KCTD8: variants seen among roughly 807,000 people sequenced by gnomAD.
KCTD8 encodes potassium channel tetramerization domain containing 8, also known as BTB/POZ domain-containing protein KCTD8.
In KCTD8, 27 loss-of-function variants were observed where a neutral mutation model predicts 31.5. The observed-to-expected ratio is 0.86, with a 90% CI of 0.63 to 1.18. KCTD8 has a LOEUF of 1.18. Among genes scored for constraint, KCTD8 ranks in the 50% most tolerant of loss-of-function variants. The probability of loss-of-function intolerance (pLI) is 0.00; values close to 1 mark genes in which losing one functional copy is unlikely to be tolerated. For missense variants in KCTD8, 658 were observed against 647.7 expected, an observed-to-expected ratio of 1.02 and a Z score of -0.17; for synonymous variants, 290 against 280.0, an observed-to-expected ratio of 1.04 and a Z score of -0.36.
rs191485062 is a variant in KCTD8, at chr4:44,402,114, A to C, written c.961+45449T>G. On this transcript the variant is annotated intron_variant, in intron 1 of 1. Transcript: ENST00000360029. ...AAAGGTAAAGTGGACGTGGCATTTG[A>C]ATGATTATAGAGCAAAAAGATAGAG... Among the ~76,000 whole-genome samples, 310 of 152,298 alleles carry C rather than the reference A, an allele frequency of 2.0e-3. 1 individual carries two copies. Among genetic ancestry groups the C allele is most frequent in the African/African-American group, 7.1e-3 (297 of 41,574 alleles).
intron 1 of KCTD8, among the ~76,000 whole-genome samples, chr4:44,422,254 T>C (rs932997291): frequency 6.6e-6 from 1 of 152,140 alleles, no homozygotes. Flanking sequence ...AAAGTTCTTA[T>C]AATTTAAGAA....
chr4:44,254,525 C>G (rs1231922684), intron 1 of KCTD8, among the ~76,000 whole-genome samples: 1 of 151,248 alleles, frequency 6.6e-6, no homozygotes, highest in African/African-American at 2.4e-5. Context: ...TATTATCCCA[C>G]CACCCCCACC....
At chr4:44,329,518 A>T (rs1424222943) in intron 1 of KCTD8, among the ~76,000 whole-genome samples, 1 of 152,002 alleles carries the variant, frequency 6.6e-6, no homozygotes, top group East Asian at 1.9e-4. Context: ...ATTGTAAAAA[A>T]TAAAGTTTTG....
intron 1 of KCTD8, among the ~76,000 whole-genome samples, chr4:44,419,069 TAGC>T (rs1269333731): frequency 6.6e-6 from 1 of 152,162 alleles, no homozygotes; most frequent in African/African-American, 2.4e-5. Flanking sequence ...AAAATGGTGG[TAGC>T]AGTGAAAACA....
chr4:44,332,032 C>T (rs1718602794), intron 1 of KCTD8, among the ~76,000 whole-genome samples: 1 of 151,722 alleles, frequency 6.6e-6, no homozygotes, highest in Admixed American at 6.6e-5. Flanking sequence ...AGTAGATACT[C>T]TCAACTGAAA....
chr4:44,250,131 G>T (rs1010188355), intron 1 of KCTD8, among the ~76,000 whole-genome samples: 1 of 151,808 alleles, frequency 6.6e-6, no homozygotes, highest in African/African-American at 2.4e-5. Context: ...ACATGTGTAA[G>T]ATTATACATG....
intron 1 of KCTD8, among the ~76,000 whole-genome samples, chr4:44,249,219 T>C (rs959269588): frequency 2.0e-5 from 3 of 151,750 alleles, no homozygotes; most frequent in African/African-American, 4.8e-5. Context: ...AACAAAGAAA[T>C]ATAGGTTAAT....
At chr4:44,398,060 A>C (rs534671497) in intron 1 of KCTD8, among the ~76,000 whole-genome samples, 6 of 152,184 alleles carry the variant, frequency 3.9e-5, no homozygotes, top group Non-Finnish European at 8.8e-5. Context: ...ATTGAAATAC[A>C]TATCCTTAGG....
intron 1 of KCTD8, among the ~76,000 whole-genome samples, chr4:44,223,642 A>T (rs1714869502): frequency 6.6e-6 from 1 of 152,204 alleles, no homozygotes; most frequent in Non-Finnish European, 1.5e-5. Flanking sequence ...AGTAAAAGGT[A>T]TGTCAATTAT....
chr4:44,265,707 T>G (rs956841680), intron 1 of KCTD8, among the ~76,000 whole-genome samples: 1 of 152,140 alleles, frequency 6.6e-6, no homozygotes, highest in African/African-American at 2.4e-5. Context: ...AAGGAGCTGA[T>G]GGAGCTGAAA....
chr4:44,419,608 A>G (rs925079268), intron 1 of KCTD8, among the ~76,000 whole-genome samples: 1 of 152,094 alleles, frequency 6.6e-6, no homozygotes, highest in African/African-American at 2.4e-5. Context: ...AGGGCAGAAA[A>G]GCAAACACCG....
chr4:44,422,129 G>T (rs1721226372), intron 1 of KCTD8, among the ~76,000 whole-genome samples: 1 of 151,870 alleles, frequency 6.6e-6, no homozygotes, highest in African/African-American at 2.4e-5. Context: ...GAAGATTTTG[G>T]CCCTCTTAGC....
chr4:44,356,586 G>A (rs1719348981), intron 1 of KCTD8, among the ~76,000 whole-genome samples: 1 of 152,108 alleles, frequency 6.6e-6, no homozygotes, highest in South Asian at 2.1e-4. Flanking sequence ...CGATTCTCCT[G>A]CCTCAGCCTG....
rs1470978683 is a variant in KCTD8 at position 44,427,374 on chromosome 4, C to T, written c.961+20189G>A. Among the ~76,000 whole-genome samples the T allele has an allele frequency of 3.3e-5, 5 of 150,824 alleles. No homozygotes were observed. In the East Asian group the frequency reaches 9.8e-4, roughly 29 times the overall value. ...TATGCTTTGGGTATTACTATAAATC[C>T]TAGCAAGTTCTATAAAGAAAAAAGA... On this transcript the variant is annotated intron_variant, in intron 1 of 1. Coordinates refer to ENST00000360029, the MANE Select transcript of KCTD8 (RefSeq NM_198353.3).
chr4:44,440,056 C>A (rs968298009), intron 1 of KCTD8, among the ~76,000 whole-genome samples: 1 of 151,880 alleles, frequency 6.6e-6, no homozygotes, highest in African/African-American at 2.4e-5. Flanking sequence ...CTCAGCCTCC[C>A]AAGTAGCTGG....
intron 1 of KCTD8, among the ~76,000 whole-genome samples, chr4:44,216,445 C>T (rs1714654242): frequency 2.0e-5 from 3 of 152,024 alleles, no homozygotes; most frequent in African/African-American, 7.2e-5. Flanking sequence ...GTAGAAGGCA[C>T]TATTAATCCA....
chr4:44,321,198 CT>C (rs1198714130), intron 1 of KCTD8, among the ~76,000 whole-genome samples: 1 of 152,164 alleles, frequency 6.6e-6, no homozygotes, highest in African/African-American at 2.4e-5. Context: ...TTCCTCGTGT[CT>C]TAAACCCTAT....
chr4:44,302,543 G>T (rs1717659983), intron 1 of KCTD8, among the ~76,000 whole-genome samples: 3 of 151,982 alleles, frequency 2.0e-5, no homozygotes, highest in Non-Finnish European at 4.4e-5. Context: ...GTATAAGAAT[G>T]CTTGTGATTT....
chr4:44,257,916 C>T (rs935420206), intron 1 of KCTD8, among the ~76,000 whole-genome samples: 1 of 151,990 alleles, frequency 6.6e-6, no homozygotes, highest in Non-Finnish European at 1.5e-5. Context: ...CCTAGACAGG[C>T]TGATGATATT....
Sources: allele counts gnomAD v4.1 joint callset (sites outside exome capture counted in the v4.1 genomes callset), GRCh38; gene constraint gnomAD v4.1.1; transcripts MANE v1.5; gene names NCBI Gene and HGNC (gene_info 2026-07-23, HGNC 2026-07-21).